The following ATP8A2 variants were observed in gnomAD, a reference collection of about 807,000 sequenced individuals.
ATP8A2 encodes the protein phospholipid-transporting ATPase IB.
In ATP8A2, 100 loss-of-function variants were observed where a neutral mutation model predicts 165.6. The observed-to-expected ratio is 0.60, with a 90% CI of 0.51 to 0.71. The LOEUF (loss-of-function observed/expected upper bound fraction) is 0.71, where lower values mean the gene tolerates loss of function less well. ATP8A2 is among the 30% of genes least tolerant of loss of function. The pLI, the probability that ATP8A2 is intolerant of heterozygous loss-of-function variation, is 0.00. For synonymous variants in ATP8A2, 543 were observed against 548.8 expected (o/e 0.99, Z 0.15); for missense variants, 1,227 against 1,479.5 (o/e 0.83, Z 2.80).
chr13:26,009,971 C>G (rs1319961699), intron 35 of ATP8A2, among the ~76,000 whole-genome samples: 1 of 152,166 alleles, frequency 6.6e-6, no homozygotes, highest in Non-Finnish European at 1.5e-5. Flanking sequence ...GAGGCTGAGG[C>G]AGGAGAATCG....
Position 25,579,201 on chromosome 13 carries a change from T to C in ATP8A2, c.1867+302T>C, listed in dbSNP as rs2039700514. 2.6e-5 allele frequency among the ~76,000 whole-genome samples: 4 copies of C among 152,316 alleles called. No individual in the cohort carries two copies. The South Asian group carries it at 8.3e-4, about 32-fold the overall frequency. Reference sequence around the variant, plus strand: ...CTGTCCCTCTCTTGGTGTCCTTATGTCACTGGCTTATCCATGACTTAAGGA... The same window carrying C: ...CTGTCCCTCTCTTGGTGTCCTTATGCCACTGGCTTATCCATGACTTAAGGA... On this transcript the variant is annotated intron_variant, in intron 21 of 36. Transcript: ENST00000381655.
chr13:25,628,702 C>T (rs952239936), intron 24 of ATP8A2, among the ~76,000 whole-genome samples: 1 of 151,996 alleles, frequency 6.6e-6, no homozygotes, highest in African/African-American at 2.4e-5. Context: ...CTTCTGAGTG[C>T]TCAGGCGTCA....
intron 24 of ATP8A2, among the ~76,000 whole-genome samples, chr13:25,681,955 G>A (rs1016459340): frequency 6.6e-6 from 1 of 152,144 alleles, no homozygotes; most frequent in Non-Finnish European, 1.5e-5. Context: ...ATGGGTCCCC[G>A]TCGAGTGACG....
At chr13:25,698,498 T>C (rs2042883172) in intron 24 of ATP8A2, among the ~76,000 whole-genome samples, 1 of 152,174 alleles carries the variant, frequency 6.6e-6, no homozygotes, top group Admixed American at 6.5e-5. Flanking sequence ...CCTCCTAAAG[T>C]GCTGGGATTA....
intron 30 of ATP8A2, among the ~76,000 whole-genome samples, chr13:25,843,910 G>A (rs1046406014): frequency 6.6e-6 from 1 of 152,090 alleles, no homozygotes; most frequent in South Asian, 2.1e-4. Flanking sequence ...CCTGGCGGAG[G>A]GGGGGACTTT....
chr13:25,923,120 T>C (rs1954507790), intron 33 of ATP8A2, among the ~76,000 whole-genome samples: 1 of 152,104 alleles, frequency 6.6e-6, no homozygotes, highest in Admixed American at 6.6e-5. Context: ...GGAACACAAA[T>C]TAAGAAATAG....
chr13:25,440,467 C>T (rs185324082), intron 1 of ATP8A2, among the ~76,000 whole-genome samples: 66 of 152,152 alleles, frequency 4.3e-4, no homozygotes, highest in Non-Finnish European at 7.5e-4. Context: ...TAGAACAGGA[C>T]GGTCGCAGGG....
At chr13:25,395,924 A>T (rs1386945052) in intron 1 of ATP8A2, among the ~76,000 whole-genome samples, 1 of 151,496 alleles carries the variant, frequency 6.6e-6, no homozygotes, top group Non-Finnish European at 1.5e-5. Flanking sequence ...GCTCACTGCT[A>T]CCTCCGTCTC....
intron 24 of ATP8A2, among the ~76,000 whole-genome samples, chr13:25,677,368 C>T (rs1179365400): frequency 1.3e-5 from 2 of 152,166 alleles, no homozygotes; most frequent in African/African-American, 4.8e-5. Context: ...TTCTTTAAGA[C>T]TTTAAATGTG....
chr13:25,526,652 C>T (rs2037850952), intron 2 of ATP8A2, among the ~76,000 whole-genome samples: 1 of 152,180 alleles, frequency 6.6e-6, no homozygotes, highest in African/African-American at 2.4e-5. Context: ...GGGGTTTGTG[C>T]TCAGGGGACC....
intron 29 of ATP8A2, among the ~76,000 whole-genome samples, chr13:25,839,270 T>TGTG (rs1951699016): frequency 6.6e-6 from 1 of 152,202 alleles, no homozygotes; most frequent in Non-Finnish European, 1.5e-5. Context: ...ATTTTTCACA[T>TGTG]GTGGATAGAT....
chr13:25,450,592 T>G (rs2147487), intron 1 of ATP8A2, among the ~76,000 whole-genome samples: 10 of 151,614 alleles, frequency 6.6e-5, no homozygotes, highest in East Asian at 2.0e-4. Flanking sequence ...AGTGCAGTGG[T>G]GTGATCTCGG....
chr13:25,754,690 T>A (rs1373904561), intron 25 of ATP8A2, among the ~76,000 whole-genome samples: 1 of 152,166 alleles, frequency 6.6e-6, no homozygotes, highest in African/African-American at 2.4e-5. Flanking sequence ...ATCCCATTTT[T>A]AATTTAATTT....
intron 33 of ATP8A2, among the ~76,000 whole-genome samples, chr13:25,929,199 C>G (rs1364680176): frequency 6.6e-6 from 1 of 152,100 alleles, no homozygotes; most frequent in Non-Finnish European, 1.5e-5. Flanking sequence ...ACCATGTGAG[C>G]CAGAGTGGGC....
intron 2 of ATP8A2, among the ~76,000 whole-genome samples, chr13:25,500,469 T>C (rs2036820311): frequency 6.6e-6 from 1 of 152,216 alleles, no homozygotes; most frequent in African/African-American, 2.4e-5. Context: ...ACAGGGATTA[T>C]CTCCATAATA....
chr13:25,582,121 C>T (rs533615580), intron 23 of ATP8A2, among the ~76,000 whole-genome samples, 164 bp downstream of exon 23: 1 of 152,152 alleles, frequency 6.6e-6, no homozygotes, highest in Non-Finnish European at 1.5e-5. Context: ...AATGAAGATG[C>T]CTCCATGCCT....
chr13:25,638,351 A>G (rs944936823), intron 24 of ATP8A2, among the ~76,000 whole-genome samples: 3 of 152,198 alleles, frequency 2.0e-5, no homozygotes, highest in African/African-American at 7.2e-5. Flanking sequence ...AGAAGCTAAA[A>G]ACCTTGAAAA....
intron 24 of ATP8A2, among the ~76,000 whole-genome samples, chr13:25,595,576 GC>G (rs1377931349): frequency 6.6e-6 from 1 of 152,122 alleles, no homozygotes; most frequent in Non-Finnish European, 1.5e-5. Context: ...TACTTTGGGG[GC>G]TATTTATTGG....
At position 25,597,630 on chromosome 13, in the gene ATP8A2, G is replaced by A. The variant is rs537027897; in HGVS notation, c.2211+7931G>A. Among the ~76,000 whole-genome samples, 25 of 152,234 alleles carry A rather than the reference G, an allele frequency of 1.6e-4. No individual in the cohort carries two copies. In the South Asian group the frequency reaches 5.2e-3, roughly 32 times the overall value. ...AACAACCTGAGGAAGGCTGGAAACA[G>A]GTACTTCTCCAGTCAGGCCTTGAGG... is the stretch of plus-strand genomic sequence containing the variant. On this transcript the variant is annotated intron_variant, in intron 24 of 36. Transcript: ENST00000381655.
Sources: allele counts gnomAD v4.1 joint callset (sites outside exome capture counted in the v4.1 genomes callset), GRCh38; gene constraint gnomAD v4.1.1; transcripts MANE v1.5; gene names NCBI Gene and HGNC (gene_info 2026-07-23, HGNC 2026-07-21).